ASH1L: variants seen among roughly 807,000 people sequenced by gnomAD.
ASH1L encodes the protein ASH1 like histone lysine methyltransferase, also known as histone-lysine N-methyltransferase ASH1L.
Under a neutral mutation model 269.0 loss-of-function variants are expected in ASH1L, and 23 were observed. The observed-to-expected ratio is 0.09, with a 90% CI of 0.06 to 0.12. The LOEUF is 0.12. ASH1L is among the 10% of genes least tolerant of loss of function. The pLI is 1.00. For synonymous variants in ASH1L, 1,187 were observed against 1,253.5 expected, an observed-to-expected ratio of 0.95 and a Z score of 1.12; for missense variants, 2,912 against 3,567.8, an observed-to-expected ratio of 0.82 and a Z score of 4.68.
chr1:155,489,932 G>A (rs1666645227), intron 2 of ASH1L, among the ~76,000 whole-genome samples: 1 of 151,914 alleles, frequency 6.6e-6, no homozygotes, highest in South Asian at 2.1e-4. Context: ...AAAGCTGAAG[G>A]GCATATGCAT....
intron 1 of ASH1L, among the ~76,000 whole-genome samples, chr1:155,524,415 G>A (rs1267939975): frequency 3.3e-5 from 5 of 151,452 alleles, no homozygotes; most frequent in African/African-American, 7.3e-5. Flanking sequence ...CTAGCTACTC[G>A]GAAGGCTGAG....
chr1:155,448,996 C>T (rs1331193785), intron 4 of ASH1L, among the ~76,000 whole-genome samples: 2 of 151,886 alleles, frequency 1.3e-5, no homozygotes, highest in Non-Finnish European at 2.9e-5. Flanking sequence ...TGCAGTAGCA[C>T]GATCTCGTCT....
At chr1:155,347,595 C>A in intron 20 of ASH1L, 61 bp downstream of exon 20, 1 of 1,599,194 alleles carries the variant, frequency 6.3e-7, no homozygotes. Context: ...TGGGCTTCTT[C>A]TTTGAATATG....
intron 6 of ASH1L, among the ~76,000 whole-genome samples, chr1:155,406,580 T>C (rs1659309642): frequency 6.6e-6 from 1 of 152,028 alleles, no homozygotes; most frequent in South Asian, 2.1e-4. Context: ...GGTGAATGCC[T>C]ATAGTCCAGC....
At position 155,337,684 on chromosome 1, in the gene ASH1L, G is replaced by A. The variant is rs1399760947; in HGVS notation, c.8871C>T (p.Ile2957=). The A allele has an allele frequency of 6.2e-7, 1 of 1,613,902 alleles. No homozygotes were observed. Among genetic ancestry groups the A allele is most frequent in the Admixed American group, 1.7e-5 (1 of 60,010 alleles). The change falls in exon 28 of 28, where the codon ATC becomes ATT. Residue 2957 remains isoleucine (I), a synonymous_variant. Coordinates refer to ENST00000392403, the MANE Select transcript of ASH1L (RefSeq NM_018489.3). ...GRKLRRRTLF[I]PENSFRK Reference sequence around the variant, plus strand: ...GTCACTTTCGAAAGCTGTTTTCTGGGATAAACAAAGTACGCCTTCGCAGTT... The same window carrying A: ...GTCACTTTCGAAAGCTGTTTTCTGGAATAAACAAAGTACGCCTTCGCAGTT...
At position 155,386,493 on chromosome 1, in the gene ASH1L, A is replaced by G. The variant is rs989187108; in HGVS notation, c.6104-6377T>C. Reference sequence around the variant, plus strand: ...ACCTCTGCCACCCGGAGTTCAAGCAATTCTGTCTCAGCCTCCTGAATAGCT... The same window carrying G: ...ACCTCTGCCACCCGGAGTTCAAGCAGTTCTGTCTCAGCCTCCTGAATAGCT... On this transcript the variant is annotated intron_variant, in intron 7 of 27. Coordinates refer to ENST00000392403, the MANE Select transcript of ASH1L (RefSeq NM_018489.3). Among the ~76,000 whole-genome samples the G allele has an allele frequency of 5.9e-5, 9 of 151,836 alleles. 2 individuals are homozygous for G. The highest frequency in any genetic ancestry group is 5.3e-4 in the Admixed American group (8 of 15,212).
chr1:155,428,026 C>G (rs1661291569), intron 5 of ASH1L, among the ~76,000 whole-genome samples: 1 of 152,146 alleles, frequency 6.6e-6, no homozygotes, highest in African/African-American at 2.4e-5. Context: ...CCCCAGAAGC[C>G]TAGGAGATGC....
chr1:155,353,940 A>C (rs1424783420), intron 16 of ASH1L, among the ~76,000 whole-genome samples: 1 of 152,224 alleles, frequency 6.6e-6, no homozygotes, highest in Non-Finnish European at 1.5e-5. Flanking sequence ...ATACCTAATG[A>C]CTATTTCAGA....
At chr1:155,425,752 T>A (rs1480849259) in intron 5 of ASH1L, among the ~76,000 whole-genome samples, 1 of 151,992 alleles carries the variant, frequency 6.6e-6, no homozygotes, top group Non-Finnish European at 1.5e-5. Flanking sequence ...CTAATTTTTT[T>A]ATTTTTAGTA....
intron 3 of ASH1L, among the ~76,000 whole-genome samples, chr1:155,463,635 A>T (rs964254294): frequency 6.6e-6 from 1 of 152,082 alleles, no homozygotes; most frequent in Non-Finnish European, 1.5e-5. Flanking sequence ...TCTACAAAAA[A>T]AAATAAAAAT....
Position 155,357,353 on chromosome 1 carries a change from G to C in ASH1L, c.7018C>G (p.Pro2340Ala). 6.2e-7 allele frequency: 1 copy of C among 1,613,722 alleles called. No homozygotes were observed. The highest frequency in any genetic ancestry group is 8.5e-7 in the Non-Finnish European group (1 of 1,179,924). ...GACATTGGCTTCATCTGTAATTGGGGGGTCAATCTAGTTGGGGTGTTGATA... is the reference window on the plus strand; with the variant it reads ...GACATTGGCTTCATCTGTAATTGGGCGGTCAATCTAGTTGGGGTGTTGATA... ...ENINTPTRLT[P>A]QLQMKPMSNR... Residue 2340 changes from proline (P) to alanine (A), a missense_variant, in exon 15 of 28, where the codon CCC becomes GCC. Transcript: ENST00000392403.
chr1:155,433,517 G>A (rs763165368), intron 5 of ASH1L: 45 of 1,610,036 alleles, frequency 2.8e-5, no homozygotes, highest in African/African-American at 1.9e-4. Context: ...CACCTCCCTG[G>A]AGCCCTGCAC....
At chr1:155,462,461 A>G (rs891176863) in intron 3 of ASH1L, among the ~76,000 whole-genome samples, 2 of 152,208 alleles carry the variant, frequency 1.3e-5, no homozygotes, top group Non-Finnish European at 2.9e-5. Context: ...ACCTCAGGGT[A>G]AAAAGAGGGT....
intron 3 of ASH1L, among the ~76,000 whole-genome samples, chr1:155,477,275 TTC>T (rs1483785624): frequency 3.9e-5 from 6 of 152,166 alleles, no homozygotes; most frequent in African/African-American, 1.2e-4. Flanking sequence ...TTTTCCAGAT[TTC>T]TTTTTTTTCT....
chr1:155,477,045 C>T (rs1665606038), intron 3 of ASH1L, among the ~76,000 whole-genome samples: 1 of 152,118 alleles, frequency 6.6e-6, no homozygotes, highest in Non-Finnish European at 1.5e-5. Context: ...AAAAGATGCA[C>T]AAACATATAT....
intron 1 of ASH1L, among the ~76,000 whole-genome samples, chr1:155,559,599 C>T (rs1671823623): frequency 6.7e-6 from 1 of 150,162 alleles, no homozygotes; most frequent in South Asian, 2.1e-4. Context: ...AAGCTGCATA[C>T]AGAGTATAAA....
At chr1:155,344,800 T>C (rs1338657781) in intron 21 of ASH1L, among the ~76,000 whole-genome samples, 1 of 152,156 alleles carries the variant, frequency 6.6e-6, no homozygotes, top group East Asian at 1.9e-4. Context: ...ACTTACCCTC[T>C]CTCCTATGAA....
intron 4 of ASH1L, among the ~76,000 whole-genome samples, chr1:155,448,345 TTTG>T (rs112178568): frequency 1.4e-3 from 205 of 151,588 alleles, no homozygotes; most frequent in Middle Eastern, 6.9e-3. Flanking sequence ...TTCTTTTCGT[TTTG>T]TTGTTGTTGT....
At chr1:155,445,335 C>T (rs147558820) in intron 4 of ASH1L, among the ~76,000 whole-genome samples, 5 of 152,098 alleles carry the variant, frequency 3.3e-5, no homozygotes, top group African/African-American at 1.2e-4. Context: ...ATGCACCCAC[C>T]ACCATGCCCA....
Sources: allele counts gnomAD v4.1 joint callset (sites outside exome capture counted in the v4.1 genomes callset), GRCh38; gene constraint gnomAD v4.1.1; transcripts MANE v1.5; gene names NCBI Gene and HGNC (gene_info 2026-07-23, HGNC 2026-07-21).